The following SLC25A24 variants were observed in gnomAD, a reference collection of about 807,000 sequenced individuals.
SLC25A24 encodes mitochondrial adenyl nucleotide antiporter SLC25A24.
In SLC25A24, 49 loss-of-function variants were observed where a neutral mutation model predicts 60.7. That is an observed-to-expected ratio of 0.81 (90% CI 0.64 to 1.02). SLC25A24 has a LOEUF of 1.02. Ranked by LOEUF, SLC25A24 falls within the 50% of genes least tolerant of loss-of-function variation. The probability of loss-of-function intolerance (pLI) is 0.00; values close to 1 mark genes in which losing one functional copy is unlikely to be tolerated. For synonymous variants in SLC25A24, 202 were observed against 200.6 expected, an observed-to-expected ratio of 1.01 and a Z score of -0.06; for missense variants, 564 against 586.3, an observed-to-expected ratio of 0.96 and a Z score of 0.39.
At chr1:108,175,614 AG>A (rs1380976488) in intron 3 of SLC25A24, among the ~76,000 whole-genome samples, 1 of 152,094 alleles carries the variant, frequency 6.6e-6, no homozygotes, top group Non-Finnish European at 1.5e-5. Context: ...CAATTGAGCC[AG>A]GGAAGTTGAG....
rs1473424937 is a variant in SLC25A24, at chr1:108,136,799, G to A, written c.1288C>T (p.Leu430Phe). The change falls in exon 10 of 10, where the codon CTC (leucine) becomes TTC (phenylalanine). Residue 430 changes from leucine to phenylalanine, a missense_variant. Transcript: ENST00000565488. Reference sequence around the variant, plus strand: ...TCTTTGGAAATAATTCGTCGAAAGAGGCCAACCATATTCAGCTGTGGGGAA... The same window carrying A: ...TCTTTGGAAATAATTCGTCGAAAGAAGCCAACCATATTCAGCTGTGGGGAA... Reference protein sequence around the residue: ...EGSPQLNMVGLFRRIISKEGI... With the variant: ...EGSPQLNMVGFFRRIISKEGI... 1.2e-6 allele frequency: 2 copies of A among 1,613,996 alleles called. No individual in the cohort carries two copies. Among genetic ancestry groups the A allele is most frequent in the Admixed American group, 3.3e-5 (2 of 60,004 alleles).
Position 108,187,927 on chromosome 1 carries a change from G to GATAGATAGATATATAT in SLC25A24, c.184-1974_184-1973insATATATATCTATCTAT. 5.1e-4 allele frequency among the ~76,000 whole-genome samples: 49 copies of GATAGATAGATATATAT among 95,756 alleles called. 2 individuals carry two copies. Among genetic ancestry groups the GATAGATAGATATATAT allele is most frequent in the Middle Eastern group, 0.013 (2 of 150 alleles). The allele number at this position is 95,756 out of a possible 152,430, so 62.8% of individuals were successfully genotyped here. On this transcript the variant is annotated intron_variant, in intron 1 of 9. Coordinates refer to ENST00000565488, the MANE Select transcript of SLC25A24 (RefSeq NM_013386.5). ...TACACGAAATGGATAAGACATTATA[G>GATAGATAGATATATAT]ATATATATATATATATATTCATGCA...
chr1:108,154,220 T>TC (rs1553253730), intron 6 of SLC25A24, among the ~76,000 whole-genome samples: 1 of 150,598 alleles, frequency 6.6e-6, no homozygotes, highest in Non-Finnish European at 1.5e-5. Context: ...ACAAAAACTA[T>TC]GGGGGGGGAG....
chr1:108,138,712 C>G (rs991525530), intron 9 of SLC25A24, among the ~76,000 whole-genome samples: 2 of 152,064 alleles, frequency 1.3e-5, no homozygotes, highest in African/African-American at 4.8e-5. Flanking sequence ...TTAAAAACCC[C>G]AAGAAGTCTG....
chr1:108,196,545 C>A (rs926075814), intron 1 of SLC25A24, among the ~76,000 whole-genome samples: 2 of 152,212 alleles, frequency 1.3e-5, no homozygotes, highest in African/African-American at 4.8e-5. Flanking sequence ...CCTTCTTGCT[C>A]TTGATAATTG....
intron 1 of SLC25A24, among the ~76,000 whole-genome samples, chr1:108,196,194 T>C (rs564738276): frequency 1.3e-5 from 2 of 152,218 alleles, no homozygotes; most frequent in East Asian, 3.9e-4. Context: ...ATTAAAAAAA[T>C]CATAGAATGT....
chr1:108,178,638 C>T (rs1647792133), intron 3 of SLC25A24, among the ~76,000 whole-genome samples: 2 of 152,212 alleles, frequency 1.3e-5, no homozygotes, highest in African/African-American at 4.8e-5. Flanking sequence ...CACAGTGAAA[C>T]CCCGTCTCTA....
At chr1:108,166,764 T>C (rs1414039183) in intron 3 of SLC25A24, among the ~76,000 whole-genome samples, 2 of 152,224 alleles carry the variant, frequency 1.3e-5, no homozygotes, top group East Asian at 1.9e-4. Context: ...TCAGAGTAAT[T>C]TGATCGTCTG....
chr1:108,169,702 T>C (rs533728923), intron 3 of SLC25A24, among the ~76,000 whole-genome samples: 2 of 152,306 alleles, frequency 1.3e-5, no homozygotes, highest in African/African-American at 4.8e-5. Context: ...GCTAACGTTT[T>C]GTTTATGAGA....
chr1:108,161,776 C>T (rs911208806), intron 3 of SLC25A24, among the ~76,000 whole-genome samples: 15 of 151,940 alleles, frequency 9.9e-5, no homozygotes, highest in African/African-American at 3.1e-4. Flanking sequence ...ATCAAACTGT[C>T]AGTGACTGTG....
intron 6 of SLC25A24, among the ~76,000 whole-genome samples, chr1:108,149,296 A>G (rs2101605655): frequency 6.6e-6 from 1 of 152,280 alleles, no homozygotes; most frequent in South Asian, 2.1e-4. Context: ...TATAAATATG[A>G]CCCCAATACA....
intron 3 of SLC25A24, among the ~76,000 whole-genome samples, chr1:108,169,803 A>G (rs1406193135): frequency 6.6e-6 from 1 of 152,206 alleles, no homozygotes; most frequent in Non-Finnish European, 1.5e-5. Flanking sequence ...ATATTTTTCT[A>G]GAAATTCACC....
In SLC25A24 at chr1:108,136,490, T is replaced by C. The variant is rs376752960; in HGVS notation, c.*163A>G. 1.5e-4 allele frequency: 92 copies of C among 600,658 alleles called. No homozygotes were observed. In the African/African-American group the frequency reaches 1.5e-3, roughly 10 times the overall value. The allele number at this position is 600,658 out of a possible 1,614,324, so 37.2% of individuals were successfully genotyped here. A position where few individuals can be genotyped will look rare whatever the true frequency, so the allele number is the denominator to read the frequency against. On this transcript the variant is annotated 3_prime_UTR_variant, in exon 10 of 10. Coordinates refer to ENST00000565488, the MANE Select transcript of SLC25A24 (RefSeq NM_013386.5). ...ATGATTTTGAACATTTCTGTGTACA[T>C]ATAATTTAGCCCAAAAGTTTGAAGT...
In SLC25A24 at chr1:108,200,092, T is replaced by C; in HGVS notation, c.47A>G (p.Gln16Arg). The C allele has an allele frequency of 6.3e-7, 1 of 1,577,596 alleles. No individual in the cohort carries two copies. ...RDFVLPTAAC[Q>R]DAEQPTRYET... ...GTAGCGCGTCGGCTGCTCCGCGTCC[T>C]GGCAGGCCGCGGTGGGCAGCACGAA... The change falls in exon 1 of 10, where the codon CAG (glutamine) becomes CGG (arginine). Residue 16 changes from glutamine (Q) to arginine (R), a missense_variant. Physicochemically the swap from Gln to Arg is conservative, Grantham distance 43. Coordinates refer to ENST00000565488, the MANE Select transcript of SLC25A24 (RefSeq NM_013386.5).
At chr1:108,199,843 TTCC>T (rs1558031553) in intron 1 of SLC25A24, 110 bp downstream of exon 1, 2 of 813,772 alleles carry the variant, frequency 2.5e-6, no homozygotes, top group Admixed American at 5.7e-5. Context: ...GGCGCCACAG[TTCC>T]TCCTTCCTCT....
chr1:108,143,310 T>C (rs930864013), intron 8 of SLC25A24, among the ~76,000 whole-genome samples: 3 of 152,192 alleles, frequency 2.0e-5, no homozygotes, highest in African/African-American at 7.2e-5. Context: ...TGAACAACTA[T>C]ACCTAACTTT....
Position 108,139,122 on chromosome 1 carries a change from G to A in SLC25A24, c.1185C>T (p.Ser395=). The A allele has an allele frequency of 6.2e-7, 1 of 1,611,018 alleles. No homozygotes were observed. The highest frequency in any genetic ancestry group is 8.5e-7 in the Non-Finnish European group (1 of 1,178,644). The change falls in exon 9 of 10, where the codon TCC becomes TCT. Residue 395 remains serine (S), a synonymous_variant. Coordinates refer to ENST00000565488, the MANE Select transcript of SLC25A24 (RefSeq NM_013386.5). ...VMVLLGCGAL[S]STCGQLASYP... ...AGCTGGCCAGCTGACCACAGGTGCT[G>A]GATAAGGCACCGCATCCCAGCAACA...
chr1:108,176,483 C>T (rs773746247), intron 3 of SLC25A24, among the ~76,000 whole-genome samples: 3 of 151,994 alleles, frequency 2.0e-5, no homozygotes, highest in Non-Finnish European at 4.4e-5. Context: ...GAAAATTTTC[C>T]AAACCTGGAG....
At chr1:108,155,780 A>G (rs1679880543) in intron 5 of SLC25A24, among the ~76,000 whole-genome samples, 1 of 152,180 alleles carries the variant, frequency 6.6e-6, no homozygotes, top group Admixed American at 6.5e-5. Context: ...TCCTGTGAGT[A>G]CTGATAAATT....
Sources: allele counts gnomAD v4.1 joint callset (sites outside exome capture counted in the v4.1 genomes callset), GRCh38; gene constraint gnomAD v4.1.1; transcripts MANE v1.5; gene names NCBI Gene and HGNC (gene_info 2026-07-23, HGNC 2026-07-21).